Variants in SPAG9 observed in about 807,000 individuals in gnomAD.
SPAG9 encodes sperm associated antigen 9.
In SPAG9, 35 loss-of-function variants were observed where a neutral mutation model predicts 166.5. That is an observed-to-expected ratio of 0.21 (90% confidence interval 0.16 to 0.28). The LOEUF (loss-of-function observed/expected upper bound fraction) is 0.28, where lower values mean the gene tolerates loss of function less well. Ranked by LOEUF, SPAG9 falls within the 10% of genes least tolerant of loss-of-function variation. The probability of loss-of-function intolerance (pLI) is 1.00; values close to 1 mark genes in which losing one functional copy is unlikely to be tolerated. For synonymous variants in SPAG9, 534 were observed against 565.5 expected (o/e 0.94, Z 0.79); for missense variants, 1,235 against 1,603.3 (o/e 0.77, Z 3.92).
intron 2 of SPAG9, among the ~76,000 whole-genome samples, chr17:51,069,340 A>G (rs2047756260): frequency 6.6e-6 from 1 of 152,098 alleles, no homozygotes; most frequent in Non-Finnish European, 1.5e-5. Flanking sequence ...ATTTTTTCAA[A>G]ATACTAACAT....
intron 1 of SPAG9, among the ~76,000 whole-genome samples, chr17:51,110,085 T>C (rs1338650156): frequency 1.3e-5 from 2 of 152,138 alleles, no homozygotes; most frequent in African/African-American, 2.4e-5. Flanking sequence ...GAGATAAATA[T>C]GTTAAGTACT....
rs187384452 is a variant in SPAG9 at position 50,971,279 on chromosome 17, C to T, written c.3701-423G>A. ...CTGTGATGCGCCACTGTACTCCAGC[C>T]TAGGCAACAGAGCAAGACCTTGCTT... On this transcript the variant is annotated intron_variant, in intron 28 of 29. Coordinates refer to ENST00000262013, the MANE Select transcript of SPAG9 (RefSeq NM_001130528.3). Among the ~76,000 whole-genome samples the T allele has an allele frequency of 1.8e-3, 270 of 151,450 alleles. 2 individuals are homozygous for T. The highest frequency in any genetic ancestry group is 3.4e-3 in the Middle Eastern group (1 of 292).
chr17:51,035,916 G>A (rs1389948209), intron 5 of SPAG9, among the ~76,000 whole-genome samples: 1 of 152,134 alleles, frequency 6.6e-6, no homozygotes, highest in Non-Finnish European at 1.5e-5. Context: ...TTCTATGCCA[G>A]CCATATAATT....
At chr17:51,115,432 T>A (rs1344217223) in intron 1 of SPAG9, among the ~76,000 whole-genome samples, 5 of 146,796 alleles carry the variant, frequency 3.4e-5, no homozygotes, top group Non-Finnish European at 6.1e-5. Context: ...TTTTTTTTTT[T>A]AAAGCAAAAG....
chr17:51,077,808 A>G (rs543349386), intron 2 of SPAG9, among the ~76,000 whole-genome samples: 2 of 151,786 alleles, frequency 1.3e-5, no homozygotes, highest in South Asian at 4.2e-4. Flanking sequence ...GCACCATCAT[A>G]CCCAGCTAAT....
intron 22 of SPAG9, among the ~76,000 whole-genome samples, chr17:50,986,383 A>C (rs1975050576): frequency 1.3e-5 from 2 of 152,260 alleles, no homozygotes; most frequent in Non-Finnish European, 2.9e-5. Context: ...GACATACTAC[A>C]GGTTGAGTAA....
At chr17:51,015,152 T>G (rs1210804102) in intron 8 of SPAG9, among the ~76,000 whole-genome samples, 3 of 151,994 alleles carry the variant, frequency 2.0e-5, no homozygotes, top group African/African-American at 4.8e-5. Context: ...TTCTGTAAGA[T>G]GGAAAACAGA....
At chr17:51,028,030 T>G (rs2046251860) in intron 6 of SPAG9, among the ~76,000 whole-genome samples, 1 of 150,914 alleles carries the variant, frequency 6.6e-6, no homozygotes, top group Non-Finnish European at 1.5e-5. Flanking sequence ...TAATAATATG[T>G]GTGTGTCTTG....
At chr17:50,985,056 G>C in intron 23 of SPAG9, 66 bp from the exon 24 acceptor site, 2 of 1,438,758 alleles carry the variant, frequency 1.4e-6, no homozygotes, top group Middle Eastern at 1.8e-4. Flanking sequence ...ACATGCTACT[G>C]AACTAGTTCA....
chr17:51,025,899 A>G (rs1430570162), intron 6 of SPAG9, among the ~76,000 whole-genome samples: 1 of 152,196 alleles, frequency 6.6e-6, no homozygotes, highest in East Asian at 1.9e-4. Context: ...TTTCAAACGT[A>G]ACACACATTA....
At chr17:51,089,919 C>A (rs1020265135) in intron 1 of SPAG9, among the ~76,000 whole-genome samples, 1 of 151,266 alleles carries the variant, frequency 6.6e-6, no homozygotes, top group Non-Finnish European at 1.5e-5. Context: ...CTCAGGTGAT[C>A]CACCTGCCTT....
rs2144018819 is a variant in SPAG9, at chr17:51,006,138, T to C, written c.1371A>G (p.Gln457=). The change falls in exon 11 of 30, where the codon CAA becomes CAG. Residue 457 remains glutamine (Q), a synonymous_variant. Transcript: ENST00000262013. ...TCTTTTCCTCTAGTTTCAGTTTGGC[T>C]TGCTTCACAGCCTCCAATTCCCCTT... ...VLQGELEAVK[Q]AKLKLEEKNR... The C allele has an allele frequency of 1.2e-6, 2 of 1,614,248 alleles. No individual in the cohort carries two copies. The highest frequency in any genetic ancestry group is 1.7e-6 in the Non-Finnish European group (2 of 1,180,028).
In SPAG9 at chr17:51,053,622, T is replaced by G. The variant is rs537875941; in HGVS notation, c.495+2790A>C. 5.3e-3 allele frequency among the ~76,000 whole-genome samples: 804 copies of G among 150,744 alleles called. 6 individuals are homozygous for G. The highest frequency in any genetic ancestry group is 0.018 in the African/African-American group (757 of 41,156). ...ATCGCTTGAACCCAGGAGGCGGAGG[T>G]TGCAGTGAGCTGAGATCAAGCCACT... On this transcript the variant is annotated intron_variant, in intron 3 of 29. Coordinates refer to ENST00000262013, the MANE Select transcript of SPAG9 (RefSeq NM_001130528.3).
chr17:51,001,888 A>C (rs773932225), intron 12 of SPAG9, 43 bp from the exon 13 acceptor site: 58 of 1,586,730 alleles, frequency 3.7e-5, no homozygotes, highest in Non-Finnish European at 4.9e-5. Flanking sequence ...GAAGCTTATA[A>C]ATGTCTTGGT....
chr17:51,100,168 A>T (rs1162222108), intron 1 of SPAG9, among the ~76,000 whole-genome samples: 1 of 152,220 alleles, frequency 6.6e-6, no homozygotes, highest in Non-Finnish European at 1.5e-5. Flanking sequence ...GTAAGCCAAG[A>T]TAACAAACTT....
chr17:51,003,097 G>C (rs1042874220), intron 12 of SPAG9, among the ~76,000 whole-genome samples: 2 of 151,868 alleles, frequency 1.3e-5, no homozygotes, highest in African/African-American at 2.4e-5. Context: ...TTAATAGCCA[G>C]GTGGGGTGGC....
intron 15 of SPAG9, among the ~76,000 whole-genome samples, chr17:50,998,101 C>T (rs1417523505): frequency 7.2e-6 from 1 of 139,778 alleles, no homozygotes; most frequent in African/African-American, 2.7e-5. Flanking sequence ...GGCATGATCT[C>T]GGCTCACTGC....
chr17:51,099,378 A>G (rs1233306168), intron 1 of SPAG9, among the ~76,000 whole-genome samples: 1 of 148,478 alleles, frequency 6.7e-6, no homozygotes, highest in East Asian at 2.0e-4. Context: ...GGTTGCAGTG[A>G]GCCGAGATAG....
At chr17:51,026,525 T>C (rs2046179848) in intron 6 of SPAG9, among the ~76,000 whole-genome samples, 1 of 152,020 alleles carries the variant, frequency 6.6e-6, no homozygotes, top group Non-Finnish European at 1.5e-5. Flanking sequence ...ACTTCCCTTT[T>C]ATACTTACCA....
Sources: allele counts gnomAD v4.1 joint callset (sites outside exome capture counted in the v4.1 genomes callset), GRCh38; gene constraint gnomAD v4.1.1; transcripts MANE v1.5; gene names NCBI Gene and HGNC (gene_info 2026-07-23, HGNC 2026-07-21).